The following TJP1 variants were observed in gnomAD, a reference collection of about 807,000 sequenced individuals.
TJP1 encodes the protein tight junction protein 1, also known as tight junction protein ZO-1.
A neutral mutation model predicts 194.2 loss-of-function variants in TJP1; 43 were observed. The observed-to-expected ratio is 0.22, with a 90% confidence interval of 0.17 to 0.29. The LOEUF (loss-of-function observed/expected upper bound fraction) is 0.29. Ranked by LOEUF, TJP1 falls within the 10% of genes least tolerant of loss-of-function variation. The pLI is 1.00. For synonymous variants in TJP1, 801 were observed against 779.0 expected (o/e 1.03, Z -0.47); for missense variants, 1,971 against 2,185.7 (o/e 0.90, Z 1.96).
At chr15:29,730,759 A>G (rs2043588306) in intron 15 of TJP1, 2 of 768,790 alleles carry the variant, frequency 2.6e-6, no homozygotes, top group African/African-American at 1.7e-5. Flanking sequence ...GATAAAGCCA[A>G]GGTGAAGGAC....
intron 2 of TJP1, among the ~76,000 whole-genome samples, chr15:29,879,252 G>A (rs951441936): frequency 1.1e-4 from 17 of 152,188 alleles, no homozygotes; most frequent in Admixed American, 2.6e-4. Context: ...TACAGTTTCC[G>A]TGGGGAAGAA....
At chr15:29,783,397 C>T (rs1048506470) in intron 2 of TJP1, among the ~76,000 whole-genome samples, 2 of 152,114 alleles carry the variant, frequency 1.3e-5, no homozygotes, top group African/African-American at 4.8e-5. Context: ...TGCTTATACA[C>T]GTTGGGGAAG....
intron 11 of TJP1, among the ~76,000 whole-genome samples, chr15:29,734,781 CG>C (rs2043916010): frequency 6.6e-6 from 1 of 151,874 alleles, no homozygotes; most frequent in African/African-American, 2.4e-5. Flanking sequence ...TCACCACACC[CG>C]GCCGAAAATA....
chr15:29,770,480 G>A (rs559104045), intron 4 of TJP1, among the ~76,000 whole-genome samples: 1 of 151,340 alleles, frequency 6.6e-6, no homozygotes, highest in African/African-American at 2.4e-5. Flanking sequence ...CCGAGGCGGG[G>A]CGGATCACGA....
intron 2 of TJP1, among the ~76,000 whole-genome samples, chr15:29,921,209 C>A (rs11634609): frequency 0.3 from 46,296 of 152,090 alleles, 8,389 homozygotes; most frequent in East Asian, 0.52. Context: ...TCCTGGCCCT[C>A]TGAATGCCGG....
intron 2 of TJP1, among the ~76,000 whole-genome samples, chr15:29,909,636 C>T (rs190034410): frequency 6.6e-4 from 101 of 152,210 alleles, no homozygotes; most frequent in African/African-American, 2.3e-3. Context: ...TCAGCACCTA[C>T]AGGAGAAAGA....
chr15:29,838,998 T>TC (rs2051131484), intron 2 of TJP1, among the ~76,000 whole-genome samples: 1 of 131,648 alleles, frequency 7.6e-6, no homozygotes, highest in Non-Finnish European at 1.6e-5. Flanking sequence ...TCACCTTTTT[T>TC]TTTTTTTTTT....
At chr15:29,769,692 G>A (rs138878024) in intron 4 of TJP1, among the ~76,000 whole-genome samples, 1 of 152,046 alleles carries the variant, frequency 6.6e-6, no homozygotes, top group African/African-American at 2.4e-5. Flanking sequence ...TATCACCTAG[G>A]GACGCCACAG....
chr15:29,719,856 C>T lies in TJP1; in HGVS notation c.2924G>A (p.Arg975Lys). 6.2e-7 allele frequency: 1 copy of T among 1,614,156 alleles called. No homozygotes were observed. The highest frequency in any genetic ancestry group is 1.1e-5 in the South Asian group (1 of 91,078). Residue 975 changes from arginine to lysine, a missense_variant, in exon 20 of 28, where the codon AGA (arginine) becomes AAA (lysine). Transcript: ENST00000614355. ...TSYSPQADSL[R>K]TPSTEAAHIM... ...GTGAGCTGCCTCAGTACTTGGTGTT[C>T]TTAAAGAATCAGCTTGTGGTGAGTA...
intron 2 of TJP1, among the ~76,000 whole-genome samples, chr15:29,938,460 T>A (rs1487358462): frequency 6.6e-6 from 1 of 152,192 alleles, no homozygotes; most frequent in Admixed American, 6.5e-5. Flanking sequence ...TAGTACAAGT[T>A]TACAGCTAGT....
chr15:29,948,620 G>T (rs1167239514), intron 2 of TJP1, among the ~76,000 whole-genome samples: 2 of 152,128 alleles, frequency 1.3e-5, no homozygotes, highest in Admixed American at 6.5e-5. Flanking sequence ...GGCCTGAACT[G>T]CTGCCCATGG....
At chr15:29,919,846 C>T (rs2054299143) in intron 2 of TJP1, among the ~76,000 whole-genome samples, 2 of 152,014 alleles carry the variant, frequency 1.3e-5, no homozygotes, top group African/African-American at 4.8e-5. Flanking sequence ...GCTAAGCAGC[C>T]CCAATTACCA....
intron 1 of TJP1, among the ~76,000 whole-genome samples, chr15:29,804,855 T>C (rs1172155880): frequency 6.6e-6 from 1 of 152,108 alleles, no homozygotes; most frequent in East Asian, 1.9e-4. Context: ...CATTCCCTAG[T>C]AACTCAGACA....
intron 15 of TJP1, among the ~76,000 whole-genome samples, chr15:29,730,123 A>G (rs1271188415): frequency 6.6e-6 from 1 of 152,208 alleles, no homozygotes; most frequent in Non-Finnish European, 1.5e-5. Flanking sequence ...GAAAAATTGG[A>G]TATAAACTTT....
rs778030292 is a variant in TJP1 at position 29,766,346 on chromosome 15, C to T, written c.509G>A (p.Arg170Gln). 1.1e-5 allele frequency: 17 copies of T among 1,614,082 alleles called. No individual in the cohort carries two copies. The highest frequency in any genetic ancestry group is 1.3e-5 in the African/African-American group (1 of 74,920). ...GGAAGCCACTGACCGCCTGTCTGACCGCGGGGACAAGCTCCTCTCTCTACT... is the reference window on the plus strand; with the variant it reads ...GGAAGCCACTGACCGCCTGTCTGACTGCGGGGACAAGCTCCTCTCTCTACT... ...SASRERSLSP[R>Q]SDRRSVASSQ... The change falls in exon 5 of 28, where the codon CGG (arginine) becomes CAG (glutamine). Residue 170 changes from arginine (R) to glutamine (Q), a missense_variant. Physicochemically the swap from Arg to Gln is conservative, Grantham distance 43. Around this residue, in one of 5 missense-constraint regions of TJP1, gnomAD observed 245 missense variants for 336.6 expected, o/e 0.73. Transcript: ENST00000614355.
At chr15:29,850,391 C>T (rs913258818) in intron 2 of TJP1, among the ~76,000 whole-genome samples, 10 of 152,068 alleles carry the variant, frequency 6.6e-5, no homozygotes, top group Non-Finnish European at 1.2e-4. Context: ...AGTGTAGTGG[C>T]GCAATCTCGG....
At chr15:29,909,170 AAG>A (rs1567186374) in intron 2 of TJP1, among the ~76,000 whole-genome samples, 3 of 146,678 alleles carry the variant, frequency 2.0e-5, no homozygotes, top group Non-Finnish European at 3.0e-5. Context: ...AAAAAAAAAA[AAG>A]AAAAGAAAAA....
intron 27 of TJP1, among the ~76,000 whole-genome samples, chr15:29,703,145 C>T (rs942789393): frequency 2.6e-5 from 4 of 152,134 alleles, no homozygotes; most frequent in Non-Finnish European, 5.9e-5. Context: ...GGTATACATA[C>T]GTTGTAGATT....
chr15:29,767,341 T>TTGTG (rs934372250), intron 4 of TJP1, among the ~76,000 whole-genome samples: 4 of 152,222 alleles, frequency 2.6e-5, no homozygotes, highest in Admixed American at 2.0e-4. Flanking sequence ...CAGGATCTCC[T>TTGTG]TGTGTATCAC....
Sources: gnomAD v4.1 joint callset for allele counts (sites outside exome capture counted in the v4.1 genomes callset) on GRCh38, gnomAD v4.1.1 for gene constraint, gnomAD v4.1.1 regional missense constraint, MANE v1.5 for transcripts, NCBI Gene and HGNC (gene_info 2026-07-23, HGNC 2026-07-21) for gene names.